Variants in PROX2 observed in about 807,000 individuals in gnomAD.
PROX2 encodes the protein prospero homeobox 2.
PROX2 carries 46 observed loss-of-function variants against 48.9 expected under a neutral mutation model. That is an observed-to-expected ratio of 0.94 (90% CI 0.74 to 1.20). The LOEUF is 1.20. Among genes scored for constraint, PROX2 ranks in the 50% most tolerant of loss-of-function variants. The probability of loss-of-function intolerance (pLI) is 0.00; values close to 1 mark genes in which losing one functional copy is unlikely to be tolerated. For missense variants in PROX2, 663 were observed against 719.4 expected (o/e 0.92, Z 0.90); for synonymous variants, 260 against 276.6 (o/e 0.94, Z 0.60).
Position 74,863,002 on chromosome 14 carries a change from G to C in PROX2, c.833C>G (p.Ala278Gly). 2.5e-6 allele frequency: 4 copies of C among 1,613,946 alleles called. No individual in the cohort carries two copies. Among genetic ancestry groups the C allele is most frequent in the Non-Finnish European group, 3.4e-6 (4 of 1,179,878 alleles). Residue 278 changes from alanine to glycine, a missense_variant, in exon 3 of 6, where the codon GCC (alanine) becomes GGC (glycine). By Grantham distance (60) the Ala-to-Gly change is moderately conservative. Transcript: ENST00000556489. ...AGCCAAAGCAAGTGGATCTTTACAG[G>C]CCCCTCCCACAGGAGGTGAGGGCTC... The part of the protein sequence containing the change: ...RSEPSPPVGG[A>G]CKDPLALAAL...
At chr14:74,875,752 G>A (rs1458946076) in intron 1 of PROX2, among the ~76,000 whole-genome samples, 143 bp downstream of exon 1, 2 of 152,208 alleles carry the variant, frequency 1.3e-5, no homozygotes, top group East Asian at 3.8e-4. Context: ...ATGAACAATT[G>A]TTAAATCTAG....
chr14:74,875,553 T>C (rs1300259498), intron 1 of PROX2, among the ~76,000 whole-genome samples: 5 of 152,222 alleles, frequency 3.3e-5, no homozygotes. Flanking sequence ...GCGTTTCAGC[T>C]TTTATAAAAT....
chr14:74,868,706 G>C (rs367788362), intron 2 of PROX2, among the ~76,000 whole-genome samples: 4 of 151,796 alleles, frequency 2.6e-5, no homozygotes, highest in Non-Finnish European at 5.9e-5. Flanking sequence ...GCATGGTGGC[G>C]GGCGCCTGTA....
chr14:74,864,509 G>A lies in PROX2; in HGVS notation c.-174-501C>T, dbSNP rs1282002659. On this transcript the variant is annotated intron_variant, in intron 2 of 5. Transcript: ENST00000556489. ...TGTCTGATTCGGAGTGACTTTTCTA[G>A]TGACTAAGGGCAACAGAATCACCCA... Among the ~76,000 whole-genome samples the A allele has an allele frequency of 2.0e-5, 3 of 152,204 alleles. No individual in the cohort carries two copies. The East Asian group carries it at 5.8e-4, about 29-fold the overall frequency.
chr14:74,865,523 C>T lies in PROX2; in HGVS notation c.-174-1515G>A, dbSNP rs7157646. On this transcript the variant is annotated intron_variant, in intron 2 of 5. Transcript: ENST00000556489. ...ATCAAAGTACACTATACTCCAACCA[C>T]GTCACTTGCTTTCTAACTAATAATA... Among the ~76,000 whole-genome samples the T allele has an allele frequency of 9.6e-3, 1,462 of 152,302 alleles. 21 individuals are homozygous for T. The highest frequency in any genetic ancestry group is 0.034 in the African/African-American group (1,396 of 41,552).
intron 3 of PROX2, chr14:74,861,069 GTGTTTCCA>G: frequency 2.2e-6 from 1 of 453,960 alleles, no homozygotes; most frequent in South Asian, 1.7e-5. Context: ...AAGCTTTGGG[GTGTTTCCA>G]ACACTTTTGA....
At chr14:74,860,735 G>A (rs2091788428) in intron 3 of PROX2, among the ~76,000 whole-genome samples, 1 of 152,272 alleles carries the variant, frequency 6.6e-6, no homozygotes, top group East Asian at 1.9e-4. Flanking sequence ...AGATAGTCAA[G>A]TACTTCACCC....
intron 3 of PROX2, among the ~76,000 whole-genome samples, chr14:74,862,199 A>G (rs887869879): frequency 1.3e-5 from 2 of 151,768 alleles, no homozygotes; most frequent in Non-Finnish European, 2.9e-5. Flanking sequence ...CACAGTGTCA[A>G]TGGTATTTTA....
chr14:74,864,685 T>C (rs1001540358), intron 2 of PROX2, among the ~76,000 whole-genome samples: 3 of 151,654 alleles, frequency 2.0e-5, no homozygotes, highest in African/African-American at 7.3e-5. Flanking sequence ...CTACCAAAAG[T>C]ACAAAATTAG....
chr14:74,863,139 C>T lies in PROX2; in HGVS notation c.696G>A (p.Arg232=). ...CCGAGTCCACAGCCTGGGACACTGCCCTGGTCAGCTCTTTCCTCAGAATCT... is the reference window on the plus strand; with the variant it reads ...CCGAGTCCACAGCCTGGGACACTGCTCTGGTCAGCTCTTTCCTCAGAATCT... ...SLEILRKELT[R]AVSQAVDSVL... Residue 232 remains arginine, a synonymous_variant, in exon 3 of 6, where the codon AGG becomes AGA. Coordinates refer to ENST00000556489, the MANE Select transcript of PROX2 (RefSeq NM_001243007.2). 6.2e-7 allele frequency: 1 copy of T among 1,614,012 alleles called. No homozygotes were observed. Among genetic ancestry groups the T allele is most frequent in the South Asian group, 1.1e-5 (1 of 91,084 alleles).
chr14:74,870,424 C>CAAAA (rs555317797), intron 2 of PROX2, among the ~76,000 whole-genome samples: 1 of 48,888 alleles, frequency 2.0e-5, no homozygotes, highest in Non-Finnish European at 4.1e-5. Flanking sequence ...AAGCCTGCCT[C>CAAAA]AAAAAAAAAA....
intron 5 of PROX2, 57 bp from the exon 6 acceptor site, chr14:74,855,359 T>G: frequency 7.1e-7 from 1 of 1,409,964 alleles, no homozygotes; most frequent in South Asian, 1.6e-5. Context: ...GAAGCACTGG[T>G]GCCAGAGCCC....
intron 5 of PROX2, 122 bp from the exon 6 acceptor site, chr14:74,855,424 T>A: frequency 1.5e-6 from 1 of 656,986 alleles, no homozygotes; most frequent in Non-Finnish European, 2.3e-6. Context: ...ATCCCTGCTC[T>A]AGTGGCCCCT....
chr14:74,860,960 T>A (rs900860004), intron 3 of PROX2, among the ~76,000 whole-genome samples: 4 of 152,208 alleles, frequency 2.6e-5, no homozygotes, highest in African/African-American at 9.6e-5. Context: ...GCCTTTCTTA[T>A]AAAGAAAATC....
intron 4 of PROX2, chr14:74,857,834 G>C (rs148754813): frequency 1.3e-5 from 2 of 150,450 alleles, no homozygotes; most frequent in African/African-American, 4.9e-5. Context: ...CGTGATCTCT[G>C]TTCACTGCAA....
chr14:74,875,161 T>A (rs1815331368), intron 1 of PROX2, among the ~76,000 whole-genome samples: 1 of 151,846 alleles, frequency 6.6e-6, no homozygotes, highest in African/African-American at 2.4e-5. Flanking sequence ...AAATAAAAAA[T>A]AAATAAAATA....
In PROX2 at chr14:74,861,148, T is replaced by C. The variant is rs1037228172; in HGVS notation, c.1305+1382A>G. The C allele has an allele frequency of 2.4e-6, 3 of 1,246,124 alleles. No homozygotes were observed. In the African/African-American group the frequency reaches 4.6e-5, roughly 19 times the overall value. The allele number at this position is 1,246,124 out of a possible 1,614,324, so 77.2% of individuals were successfully genotyped here. A position where few individuals can be genotyped will look rare whatever the true frequency, so the allele number is the denominator to read the frequency against. Reference sequence around the variant, plus strand: ...GGCAGGTTCTGGCATGGTAATGAGCTGGTCCCACCCCATCCTGCTGCCCTC... The same window carrying C: ...GGCAGGTTCTGGCATGGTAATGAGCCGGTCCCACCCCATCCTGCTGCCCTC... On this transcript the variant is annotated intron_variant, in intron 3 of 5. Coordinates refer to ENST00000556489, the MANE Select transcript of PROX2 (RefSeq NM_001243007.2).
At position 74,862,406 on chromosome 14, in the gene PROX2, C is replaced by T. The variant is rs1431532762; in HGVS notation, c.1305+124G>A. ...ATGGGGTCTAGCTATGTTGTGCAGGCTAGTCTTGAACACCTGTCCTCAAGT... is the reference window on the plus strand; with the variant it reads ...ATGGGGTCTAGCTATGTTGTGCAGGTTAGTCTTGAACACCTGTCCTCAAGT... On this transcript the variant is annotated intron_variant, in intron 3 of 5. Transcript: ENST00000556489. 2.7e-5 allele frequency: 28 copies of T among 1,052,486 alleles called. 1 individual carries two copies. Among genetic ancestry groups the T allele is most frequent in the Non-Finnish European group, 3.8e-5 (28 of 739,566 alleles). 65.2% of individuals were successfully genotyped at this position (1,052,486 alleles called of 1,614,324 possible).
intron 3 of PROX2, 194 bp from the exon 4 acceptor site, chr14:74,858,708 G>A (rs1385518104): frequency 9.2e-6 from 5 of 543,318 alleles, no homozygotes; most frequent in Non-Finnish European, 9.9e-6. Flanking sequence ...TTAAGTCACA[G>A]AATGTAAAAA....
Sources: gnomAD v4.1 joint callset for allele counts (sites outside exome capture counted in the v4.1 genomes callset) on GRCh38, gnomAD v4.1.1 for gene constraint, MANE v1.5 for transcripts, NCBI Gene and HGNC (gene_info 2026-07-23, HGNC 2026-07-21) for gene names.